Variants in RIMS2 observed in about 807,000 individuals in gnomAD.
RIMS2 encodes the protein regulating synaptic membrane exocytosis 2.
In RIMS2, 59 loss-of-function variants were observed where a neutral mutation model predicts 174.4. The observed-to-expected ratio is 0.34, with a 90% CI of 0.27 to 0.42. RIMS2 has a LOEUF of 0.42. Among genes scored for constraint, RIMS2 ranks in the 10% least tolerant of loss-of-function variants. RIMS2 has a pLI of 1.00. For missense variants in RIMS2, 1,620 were observed against 1,666.3 expected (o/e 0.97, Z 0.48); for synonymous variants, 606 against 572.5 (o/e 1.06, Z -0.84).
intron 4 of RIMS2, among the ~76,000 whole-genome samples, chr8:103,904,835 G>T (rs1168037156): frequency 6.6e-6 from 1 of 151,578 alleles, no homozygotes; most frequent in African/African-American, 2.4e-5. Context: ...CTTCCTACAG[G>T]TTATTTGAAC....
At chr8:103,754,718 T>TA (rs2097955379) in intron 2 of RIMS2, among the ~76,000 whole-genome samples, 1 of 152,190 alleles carries the variant, frequency 6.6e-6, no homozygotes, top group Admixed American at 6.5e-5. Context: ...TTTGTTGGTT[T>TA]AAAGTCTGTT....
At chr8:103,609,846 G>GT (rs1238278304) in intron 1 of RIMS2, among the ~76,000 whole-genome samples, 1 of 152,208 alleles carries the variant, frequency 6.6e-6, no homozygotes, top group South Asian at 2.1e-4. Flanking sequence ...TTTTTAAATA[G>GT]TTTTTTTCTA....
At chr8:104,212,548 C>G (rs75632370) in intron 19 of RIMS2, among the ~76,000 whole-genome samples, 214 of 152,320 alleles carry the variant, frequency 1.4e-3, no homozygotes, top group African/African-American at 4.7e-3. Flanking sequence ...TTGGAACCTT[C>G]TAAAGAGCAG....
At chr8:104,104,918 G>T (rs188561248) in intron 19 of RIMS2, among the ~76,000 whole-genome samples, 1 of 151,646 alleles carries the variant, frequency 6.6e-6, no homozygotes, top group African/African-American at 2.4e-5. Flanking sequence ...TTTTTGAAAT[G>T]TAAGATTTTA....
chr8:103,568,809 A>G (rs2092584134), intron 1 of RIMS2: 5 of 1,135,706 alleles, frequency 4.4e-6, no homozygotes, highest in Non-Finnish European at 6.6e-6. Context: ...AATCAGTGCT[A>G]TAAGAAGCTG....
At position 103,745,285 on chromosome 8, in the gene RIMS2, G is replaced by A. The variant is rs556454974; in HGVS notation, c.388-20942G>A. 3.3e-5 allele frequency among the ~76,000 whole-genome samples: 5 copies of A among 152,170 alleles called. No individual in the cohort carries two copies. The East Asian group carries it at 9.7e-4, about 29-fold the overall frequency. ...TATGCTTTTACGGCTCATCTGTGTT[G>A]TAGCAAGAATTAATATTTTGTTTCT... is the stretch of plus-strand genomic sequence containing the variant. On this transcript the variant is annotated intron_variant, in intron 2 of 23. Transcript: ENST00000504942.
intron 14 of RIMS2, among the ~76,000 whole-genome samples, chr8:103,953,982 C>T (rs911591555): frequency 1.3e-5 from 2 of 151,910 alleles, no homozygotes; most frequent in Non-Finnish European, 2.9e-5. Context: ...GACTTTAAAC[C>T]AACAAAGATC....
intron 19 of RIMS2, among the ~76,000 whole-genome samples, chr8:104,079,624 T>G (rs1198607689): frequency 3.0e-5 from 4 of 133,816 alleles, no homozygotes; most frequent in Non-Finnish European, 4.9e-5. Flanking sequence ...TATATATATA[T>G]ATATATATAT....
intron 16 of RIMS2, among the ~76,000 whole-genome samples, chr8:103,984,675 A>G (rs1033006389): frequency 6.6e-6 from 1 of 152,248 alleles, no homozygotes; most frequent in Non-Finnish European, 1.5e-5. Flanking sequence ...GAGCTACCAT[A>G]TGATCCACTA....
intron 22 of RIMS2, 46 bp downstream of exon 28, chr8:104,249,634 G>T: frequency 8.9e-7 from 1 of 1,118,430 alleles, no homozygotes; most frequent in Non-Finnish European, 1.4e-6. Context: ...AATCCATATT[G>T]TTTCAATTTA....
chr8:104,234,719 A>G (rs1318784174), intron 19 of RIMS2, among the ~76,000 whole-genome samples: 1 of 152,190 alleles, frequency 6.6e-6, no homozygotes, highest in Non-Finnish European at 1.5e-5. Flanking sequence ...TTATTTCATC[A>G]TAAGGTCTTG....
intron 3 of RIMS2, among the ~76,000 whole-genome samples, chr8:103,789,277 G>A (rs1479837912): frequency 6.6e-6 from 1 of 151,998 alleles, no homozygotes; most frequent in Non-Finnish European, 1.5e-5. Context: ...GTTCCTATTC[G>A]GCCATCTTGG....
At chr8:103,805,099 A>T (rs16870721) in intron 3 of RIMS2, among the ~76,000 whole-genome samples, 23,956 of 151,034 alleles carry the variant, frequency 0.16, 1,998 homozygotes, top group Middle Eastern at 0.24. Context: ...AGCCTCATTT[A>T]AAAAAAAGTG....
intron 1 of RIMS2, among the ~76,000 whole-genome samples, chr8:103,525,174 ACT>A (rs912490250): frequency 6.6e-6 from 1 of 151,962 alleles, no homozygotes; most frequent in African/African-American, 2.4e-5. Flanking sequence ...TAACATCAAG[ACT>A]CTTCTTTTTT....
At chr8:103,788,530 G>T (rs1240600927) in intron 3 of RIMS2, among the ~76,000 whole-genome samples, 1 of 151,314 alleles carries the variant, frequency 6.6e-6, no homozygotes, top group African/African-American at 2.4e-5. Context: ...ATACCCTGCT[G>T]TGTGAGGTGT....
chr8:103,960,650 T>A (rs948032507), intron 14 of RIMS2, among the ~76,000 whole-genome samples: 4 of 152,178 alleles, frequency 2.6e-5, no homozygotes, highest in African/African-American at 9.6e-5. Flanking sequence ...TTCATGCATT[T>A]GAATATAACA....
At chr8:104,169,741 C>G (rs1025952348) in intron 19 of RIMS2, among the ~76,000 whole-genome samples, 1 of 151,712 alleles carries the variant, frequency 6.6e-6, no homozygotes, top group African/African-American at 2.4e-5. Flanking sequence ...GTTCTTGTTT[C>G]TCTAGTTCCT....
intron 19 of RIMS2, among the ~76,000 whole-genome samples, chr8:104,039,955 A>G (rs1273614520): frequency 1.3e-5 from 2 of 151,672 alleles, no homozygotes; most frequent in African/African-American, 2.4e-5. Context: ...ATGTGTTCAT[A>G]TAATAATAAA....
intron 19 of RIMS2, among the ~76,000 whole-genome samples, chr8:104,156,932 G>T (rs2098728076): frequency 6.6e-6 from 1 of 152,128 alleles, no homozygotes; most frequent in South Asian, 2.1e-4. Context: ...CAAGTAATAA[G>T]AATGAAAGAG....
Sources: allele counts gnomAD v4.1 joint callset (sites outside exome capture counted in the v4.1 genomes callset), GRCh38; gene constraint gnomAD v4.1.1; transcripts MANE v1.5; gene names NCBI Gene and HGNC (gene_info 2026-07-23, HGNC 2026-07-21).